Variants in IFT122 observed in about 807,000 individuals in gnomAD.
IFT122 encodes intraflagellar transport protein 122 homolog.
A neutral mutation model predicts 161.6 loss-of-function variants in IFT122; 118 were observed. The ratio of observed to expected loss-of-function variants is 0.73; its 90% confidence interval spans 0.63 to 0.85. The LOEUF (loss-of-function observed/expected upper bound fraction) is 0.85. Among genes scored for constraint, IFT122 ranks in the 40% least tolerant of loss-of-function variants. IFT122 has a pLI of 0.00. For synonymous variants in IFT122, 550 were observed against 602.4 expected, an observed-to-expected ratio of 0.91 and a Z score of 1.27; for missense variants, 1,381 against 1,579.6, an observed-to-expected ratio of 0.87 and a Z score of 2.13.
At chr3:129,512,592 C>A in intron 24 of IFT122, 180 bp downstream of exon 24, 1 of 644,116 alleles carries the variant, frequency 1.6e-6, no homozygotes, top group Non-Finnish European at 2.8e-6. Context: ...GGCCCAGGGG[C>A]CCAGGCCAAG....
Position 129,488,330 on chromosome 3 carries a change from C to T in IFT122, c.1925C>T (p.Thr642Ile), listed in dbSNP as rs2079570482. Residue 642 changes from threonine (T) to isoleucine (I), a missense_variant, in exon 16 of 30, where the codon ACA (threonine) becomes ATA (isoleucine). Transcript: ENST00000348417. Reference protein sequence around the residue: ...EAYQIACLGVTDTDWRELAME... With the variant: ...EAYQIACLGVIDTDWRELAME... The stretch of plus-strand genomic sequence containing the variant: ...TACCAGATTGCTTGCTTGGGTGTCA[C>T]AGACACTGATTGGCGTGAACTGGCC... The T allele has an allele frequency of 1.2e-6, 2 of 1,613,912 alleles. No individual in the cohort carries two copies. The highest frequency in any genetic ancestry group is 1.3e-5 in the African/African-American group (1 of 75,034).
At position 129,451,968 on chromosome 3, in the gene IFT122, A is replaced by T. The variant is rs1275570588; in HGVS notation, c.163A>T (p.Thr55Ser). 6.2e-7 allele frequency: 1 copy of T among 1,613,980 alleles called. No individual in the cohort carries two copies. Among genetic ancestry groups the T allele is most frequent in the East Asian group, 2.2e-5 (1 of 44,870 alleles). The part of the protein sequence containing the change: ...LLQPLKGHKD[T>S]VYCVAYAKDG... Reference sequence around the variant, plus strand: ...TCAGCCCCTCAAGGGACACAAAGACACTGTGTACTGTGTGGCATATGCGAA... The same window carrying T: ...TCAGCCCCTCAAGGGACACAAAGACTCTGTGTACTGTGTGGCATATGCGAA... The change falls in exon 3 of 30, where the codon ACT becomes TCT. Residue 55 changes from threonine (T) to serine (S), a missense_variant. Around this residue, in one of 7 missense-constraint regions of IFT122, gnomAD observed 134 missense variants for 137.4 expected, o/e 0.98. Transcript: ENST00000348417.
rs77493282 is a variant in IFT122 at position 129,519,266 on chromosome 3, G to A, written c.3471+80G>A. 5.4e-3 allele frequency: 7,055 copies of A among 1,303,402 alleles called. 238 individuals are homozygous for A. The African/African-American group carries it at 0.08, about 15-fold the overall frequency. The allele number at this position is 1,303,402 out of a possible 1,614,324, so 80.7% of individuals were successfully genotyped here. ...GTGCACATGGGGACCCTCAGCTAGC[G>A]CAGTGGTGGAGGAGGATTGGCCAGA... On this transcript the variant is annotated intron_variant, in intron 28 of 29. Coordinates refer to ENST00000348417, the MANE Select transcript of IFT122 (RefSeq NM_052989.3).
chr3:129,479,982 C>T (rs903160240), intron 13 of IFT122, 60 bp downstream of exon 13: 10 of 1,601,458 alleles, frequency 6.2e-6, no homozygotes, highest in East Asian at 4.5e-5. Flanking sequence ...GTGGGTGACC[C>T]GTCTAGCAAT....
chr3:129,515,203 G>A (rs1001551320), intron 25 of IFT122: 1 of 558,340 alleles, frequency 1.8e-6, no homozygotes, highest in Non-Finnish European at 3.2e-6. Context: ...GGCTAATGGT[G>A]GCAGCGGCCA....
intron 21 of IFT122, among the ~76,000 whole-genome samples, chr3:129,504,995 G>C (rs1292479222): frequency 1.3e-5 from 2 of 152,168 alleles, no homozygotes; most frequent in Non-Finnish European, 2.9e-5. Context: ...TTGGTAAAAT[G>C]GGCTGCACAC....
At chr3:129,512,723 G>A (rs2108632737) in intron 24 of IFT122, 4 of 433,302 alleles carry the variant, frequency 9.2e-6, no homozygotes, top group Admixed American at 3.6e-5. Flanking sequence ...AGAAGCACCA[G>A]GCCTTCAGGC....
At chr3:129,480,184 T>G (rs974489462) in intron 13 of IFT122, among the ~76,000 whole-genome samples, 3 of 152,214 alleles carry the variant, frequency 2.0e-5, no homozygotes, top group African/African-American at 7.2e-5. Flanking sequence ...TATTAGTGGC[T>G]TAAGGTCTCC....
intron 16 of IFT122, among the ~76,000 whole-genome samples, chr3:129,488,613 C>G (rs1279405550): frequency 6.6e-6 from 1 of 152,010 alleles, no homozygotes; most frequent in African/African-American, 2.4e-5. Flanking sequence ...TGATGACAGG[C>G]CCCATCCTCA....
chr3:129,512,544 C>T (rs2082958463), intron 24 of IFT122, 132 bp downstream of exon 24: 2 of 763,460 alleles, frequency 2.6e-6, no homozygotes, highest in Non-Finnish European at 4.7e-6. Flanking sequence ...GAGAACTCAC[C>T]CTCCCGCTGC....
intron 17 of IFT122, among the ~76,000 whole-genome samples, chr3:129,493,263 A>T (rs1004749042): frequency 6.6e-6 from 1 of 152,246 alleles, no homozygotes; most frequent in Non-Finnish European, 1.5e-5. Flanking sequence ...AACAGTGAGG[A>T]AATAGCAAAT....
intron 20 of IFT122, chr3:129,503,987 G>T: frequency 8.3e-6 from 3 of 363,344 alleles, no homozygotes; most frequent in Non-Finnish European, 1.1e-5. Flanking sequence ...GGTGTCGCCC[G>T]CAATTAAAAG....
At chr3:129,483,008 A>G (rs2078856974) in intron 14 of IFT122, among the ~76,000 whole-genome samples, 1 of 152,146 alleles carries the variant, frequency 6.6e-6, no homozygotes, top group South Asian at 2.1e-4. Flanking sequence ...TGCTGGCTCT[A>G]TGGCAGGCTA....
intron 5 of IFT122, 66 bp from the exon 6 acceptor site, chr3:129,463,494 G>C: frequency 7.9e-7 from 1 of 1,258,378 alleles, no homozygotes; most frequent in Non-Finnish European, 1.2e-6. Context: ...TCAATTATTT[G>C]TTCCTTTTTA....
At chr3:129,479,972 G>A (rs774392002) in intron 13 of IFT122, 50 bp downstream of exon 13, 15 of 1,609,558 alleles carry the variant, frequency 9.3e-6, no homozygotes, top group African/African-American at 2.7e-5. Context: ...GCATGCACAC[G>A]TGGGTGACCC....
chr3:129,486,957 G>T (rs2108386893), intron 15 of IFT122, among the ~76,000 whole-genome samples: 1 of 152,250 alleles, frequency 6.6e-6, no homozygotes, highest in South Asian at 2.1e-4. Context: ...ATGGCATGGT[G>T]GAAAAGATAA....
intron 9 of IFT122, among the ~76,000 whole-genome samples, chr3:129,470,893 C>T (rs1281678820): frequency 1.3e-5 from 2 of 152,176 alleles, no homozygotes; most frequent in East Asian, 3.9e-4. Context: ...TTATAAAGGA[C>T]CTGAGTAGTG....
intron 24 of IFT122, chr3:129,514,020 G>A (rs971526581): frequency 1.1e-5 from 4 of 372,846 alleles, no homozygotes; most frequent in South Asian, 6.3e-5. Context: ...ACCTGGCAGG[G>A]TGAGAGCAGA....
At chr3:129,520,039 CA>C in intron 29 of IFT122, 136 bp from the exon 30 acceptor site, 1 of 759,436 alleles carries the variant, frequency 1.3e-6, no homozygotes, top group Non-Finnish European at 2.3e-6. Flanking sequence ...AGCCCTCAAA[CA>C]AAGGTGCTGC....
Sources: allele counts gnomAD v4.1 joint callset (sites outside exome capture counted in the v4.1 genomes callset), GRCh38; gene constraint gnomAD v4.1.1; regional missense constraint gnomAD v4.1.1; transcripts MANE v1.5; gene names NCBI Gene and HGNC (gene_info 2026-07-23, HGNC 2026-07-21).